The following CYP4F22 variants were observed in gnomAD, a reference collection of about 807,000 sequenced individuals.
CYP4F22 encodes the protein ultra-long-chain fatty acid omega-hydroxylase.
In CYP4F22, 37 loss-of-function variants were observed where a neutral mutation model predicts 60.4. That is an observed-to-expected ratio of 0.61 (90% confidence interval 0.47 to 0.81). The LOEUF is 0.81. Ranked by LOEUF, CYP4F22 falls within the 30% of genes least tolerant of loss-of-function variation. CYP4F22 has a pLI of 0.00. For missense variants in CYP4F22, 655 were observed against 715.0 expected (o/e 0.92, Z 0.96); for synonymous variants, 258 against 280.5 (o/e 0.92, Z 0.80).
rs553568132 is a variant in CYP4F22 at position 15,539,443 on chromosome 19, G to A, written c.672-1007G>A. Among the ~76,000 whole-genome samples the A allele has an allele frequency of 9.2e-5, 14 of 152,290 alleles. 1 individual carries two copies. Among genetic ancestry groups the A allele is most frequent in the African/African-American group, 2.9e-4 (12 of 41,560 alleles). On this transcript the variant is annotated intron_variant, in intron 7 of 13. Coordinates refer to ENST00000269703, the MANE Select transcript of CYP4F22 (RefSeq NM_173483.4). ...CATTTTGTTTATCCAGTCACCCATC[G>A]ATGGACACTGTTTCCACTTTTCGAC...
At chr19:15,537,751 C>T in intron 6 of CYP4F22, 89 bp downstream of exon 6, 1 of 1,606,996 alleles carries the variant, frequency 6.2e-7, no homozygotes, top group Non-Finnish European at 8.5e-7. Flanking sequence ...CATGTGATGT[C>T]AGGAGCCCTC....
intron 1 of CYP4F22, among the ~76,000 whole-genome samples, chr19:15,517,471 C>T (rs1971169485): frequency 6.6e-6 from 1 of 152,176 alleles, no homozygotes; most frequent in Admixed American, 6.5e-5. Context: ...CTCCACAACT[C>T]CCCTCTCTCA....
intron 7 of CYP4F22, 123 bp from the exon 8 acceptor site, chr19:15,540,327 A>T: frequency 2.6e-6 from 3 of 1,154,948 alleles, no homozygotes; most frequent in Non-Finnish European, 3.8e-6. Flanking sequence ...TTAAAAATAG[A>T]GTTAATATAG....
At chr19:15,519,961 G>T (rs928349239) in intron 1 of CYP4F22, among the ~76,000 whole-genome samples, 1 of 152,194 alleles carries the variant, frequency 6.6e-6, no homozygotes. Context: ...TAGCCAATTG[G>T]TGAGGAGGCA....
intron 4 of CYP4F22, among the ~76,000 whole-genome samples, chr19:15,534,229 T>G (rs1277839929): frequency 6.6e-6 from 1 of 152,228 alleles, no homozygotes; most frequent in Non-Finnish European, 1.5e-5. Flanking sequence ...TTGAGTCTTA[T>G]AGGGATGCCA....
At chr19:15,541,822 G>C (rs976380798) in intron 8 of CYP4F22, among the ~76,000 whole-genome samples, 1 of 148,818 alleles carries the variant, frequency 6.7e-6, no homozygotes, top group Non-Finnish European at 1.5e-5. Context: ...GGAGGTTGCG[G>C]TGAGCTGAGA....
chr19:15,541,135 C>G (rs561574764), intron 8 of CYP4F22, among the ~76,000 whole-genome samples: 143 of 152,312 alleles, frequency 9.4e-4, no homozygotes, highest in African/African-American at 3.3e-3. Context: ...TCACATGGGT[C>G]TGGGATGGGG....
At chr19:15,516,920 A>G (rs748740259) in intron 1 of CYP4F22, 1 of 199,868 alleles carries the variant, frequency 5.0e-6, no homozygotes, top group Non-Finnish European at 9.7e-6. Context: ...ACCTCTGACT[A>G]CCTGGTTCAA....
intron 1 of CYP4F22, among the ~76,000 whole-genome samples, chr19:15,511,775 G>A (rs920722247): frequency 2.0e-5 from 3 of 152,020 alleles, no homozygotes; most frequent in South Asian, 2.1e-4. Context: ...ACCTGGCGTC[G>A]GCCTGGGTCC....
intron 8 of CYP4F22, among the ~76,000 whole-genome samples, chr19:15,542,743 T>TC (rs1191674202): frequency 3.4e-5 from 2 of 59,304 alleles, no homozygotes; most frequent in African/African-American, 1.1e-4. Flanking sequence ...GTGTGTTGTT[T>TC]CCCCCCTGTG....
intron 1 of CYP4F22, among the ~76,000 whole-genome samples, chr19:15,519,652 G>A (rs559027709): frequency 1.3e-5 from 2 of 152,228 alleles, no homozygotes; most frequent in South Asian, 4.1e-4. Context: ...GGAGTAGGGA[G>A]CCATGCAGGG....
Position 15,510,966 on chromosome 19 carries a change from ATTT to A in CYP4F22, c.-109+2398_-109+2400del, listed in dbSNP as rs1555726127. Among the ~76,000 whole-genome samples the A allele has an allele frequency of 5.3e-4, 55 of 103,306 alleles. 1 individual carries two copies. The highest frequency in any genetic ancestry group is 1.7e-3 in the African/African-American group (37 of 21,768). The allele number at this position is 103,306 out of a possible 152,430, so 67.8% of individuals were successfully genotyped here. The stretch of plus-strand genomic sequence containing the variant: ...ATACCATATATATATATATATATAT[ATTT>A]TTTTTTTTTTTTTTGAGATGGAGTT... On this transcript the variant is annotated intron_variant, in intron 1 of 13. Coordinates refer to ENST00000269703, the MANE Select transcript of CYP4F22 (RefSeq NM_173483.4).
intron 4 of CYP4F22, among the ~76,000 whole-genome samples, chr19:15,530,440 C>A (rs769111157): frequency 2.0e-5 from 3 of 152,304 alleles, no homozygotes; most frequent in East Asian, 3.9e-4. Context: ...TCAGTCCTAA[C>A]CCTTTGGACC....
At chr19:15,529,584 A>G in intron 3 of CYP4F22, 125 bp from the exon 4 acceptor site, 9 of 1,357,948 alleles carry the variant, frequency 6.6e-6, no homozygotes, top group Admixed American at 2.0e-5. Context: ...GGTGCAGCCA[A>G]CTGCCTGAAA....
rs535169267 is a variant in CYP4F22, at chr19:15,527,111, C to T, written c.222+1553C>T. ...TCCTTCATTTCTTCCATCCCTTACC[C>T]CTGCTCAGGCCTTACCCTCTACTGC... is the stretch of plus-strand genomic sequence containing the variant. On this transcript the variant is annotated intron_variant, in intron 3 of 13. Coordinates refer to ENST00000269703, the MANE Select transcript of CYP4F22 (RefSeq NM_173483.4). Among the ~76,000 whole-genome samples the T allele has an allele frequency of 1.9e-3, 283 of 152,218 alleles. 2 individuals carry two copies. The highest frequency in any genetic ancestry group is 6.6e-3 in the African/African-American group (272 of 41,518).
chr19:15,533,652 C>A (rs535821691), intron 4 of CYP4F22, among the ~76,000 whole-genome samples: 3 of 131,592 alleles, frequency 2.3e-5, no homozygotes, highest in African/African-American at 9.0e-5. Flanking sequence ...GGCTGGAGTG[C>A]AGTGGTGTAG....
intron 1 of CYP4F22, among the ~76,000 whole-genome samples, chr19:15,514,709 G>T (rs1184821891): frequency 6.6e-6 from 1 of 151,990 alleles, no homozygotes; most frequent in African/African-American, 2.4e-5. Context: ...AAGAAAGAAG[G>T]AAGGAAGGCA....
intron 1 of CYP4F22, among the ~76,000 whole-genome samples, chr19:15,520,596 TTA>T (rs918418974): frequency 1.6e-4 from 25 of 151,978 alleles, no homozygotes; most frequent in Admixed American, 1.6e-3. Flanking sequence ...TTTTTCATTT[TTA>T]TTTTTTTGAG....
rs1412587153 is a variant in CYP4F22, at chr19:15,537,548, G to A, written c.435G>A (p.Leu145=). Residue 145 remains leucine (L), a synonymous_variant, in exon 6 of 14, where the codon CTG becomes CTA. Transcript: ENST00000269703. ...TTCTGGGCCCAGGGGATGGGCTGCT[G>A]CTCAGCAAAGGTGACAAGTGGAGCC... ...FLKPWLGDGL[L]LSKGDKWSRH... 6.2e-7 allele frequency: 1 copy of A among 1,614,060 alleles called. No individual in the cohort carries two copies. The highest frequency in any genetic ancestry group is 8.5e-7 in the Non-Finnish European group (1 of 1,180,056).
Sources: allele counts gnomAD v4.1 joint callset (sites outside exome capture counted in the v4.1 genomes callset), GRCh38; gene constraint gnomAD v4.1.1; transcripts MANE v1.5; gene names NCBI Gene and HGNC (gene_info 2026-07-23, HGNC 2026-07-21).